ARHGEF11: variants seen among roughly 807,000 people sequenced by gnomAD.
ARHGEF11 encodes the protein Rho guanine exchange factor (GEF) 11.
Under a neutral mutation model 193.7 loss-of-function variants are expected in ARHGEF11, and 55 were observed. The ratio of observed to expected loss-of-function variants is 0.28; its 90% CI spans 0.23 to 0.36. The LOEUF (loss-of-function observed/expected upper bound fraction) is 0.36, where lower values mean the gene tolerates loss of function less well. Among genes scored for constraint, ARHGEF11 ranks in the 10% least tolerant of loss-of-function variants. The pLI, the probability that ARHGEF11 is intolerant of heterozygous loss-of-function variation, is 1.00. For missense variants in ARHGEF11, 1,723 were observed against 2,005.6 expected (o/e 0.86, Z 2.69); for synonymous variants, 693 against 768.0 (o/e 0.90, Z 1.62).
chr1:156,993,882 C>T (rs995955738), intron 1 of ARHGEF11, among the ~76,000 whole-genome samples: 12 of 152,196 alleles, frequency 7.9e-5, no homozygotes, highest in African/African-American at 2.2e-4. Context: ...CAAATGGTCT[C>T]TGGCAGTGCA....
At chr1:156,940,508 G>A in intron 35 of ARHGEF11, 83 bp from the exon 36 acceptor site, 1 of 1,292,012 alleles carries the variant, frequency 7.7e-7, no homozygotes, top group Non-Finnish European at 1.1e-6. Context: ...TTGGAGCCAA[G>A]GGGCTGGGAA....
At chr1:156,965,149 C>T (rs1217664506) in intron 11 of ARHGEF11, among the ~76,000 whole-genome samples, 1 of 152,152 alleles carries the variant, frequency 6.6e-6, no homozygotes, top group Non-Finnish European at 1.5e-5. Context: ...GCTCTTAACA[C>T]TTGAAAATAC....
intron 28 of ARHGEF11, 90 bp from the exon 29 acceptor site, chr1:156,946,252 C>T (rs1208080408): frequency 1.9e-6 from 2 of 1,029,280 alleles, no homozygotes; most frequent in East Asian, 2.4e-5. Context: ...GTGAACATGA[C>T]AAACAGGTCC....
At chr1:156,944,166 C>G in intron 31 of ARHGEF11, 64 bp from the exon 32 acceptor site, 1 of 1,565,090 alleles carries the variant, frequency 6.4e-7, no homozygotes, top group Non-Finnish European at 8.7e-7. Flanking sequence ...GAGCACAATG[C>G]AGGGCCACAG....
At position 156,935,913 on chromosome 1, in the gene ARHGEF11, G is replaced by A; in HGVS notation, c.*87C>T. 7.0e-7 allele frequency: 1 copy of A among 1,436,284 alleles called. No homozygotes were observed. The highest frequency in any genetic ancestry group is 9.5e-7 in the Non-Finnish European group (1 of 1,056,018). The allele number at this position is 1,436,284 out of a possible 1,614,324, so 89.0% of individuals were successfully genotyped here. A position where few individuals can be genotyped will look rare whatever the true frequency, so the allele number is the denominator to read the frequency against. On this transcript the variant is annotated 3_prime_UTR_variant, in exon 41 of 41. Coordinates refer to ENST00000368194, the MANE Select transcript of ARHGEF11 (RefSeq NM_198236.3). The stretch of plus-strand genomic sequence containing the variant: ...AACTGCCTCCTCCACAGGGAGGAGT[G>A]TTGGGATCCCCCCTACCCTGTGCCC...
chr1:157,004,528 T>G (rs1296993664), intron 1 of ARHGEF11, among the ~76,000 whole-genome samples: 1 of 152,134 alleles, frequency 6.6e-6, no homozygotes. Context: ...GACTCCATCT[T>G]TCTACTTCTC....
chr1:157,030,312 A>G (rs1207343443), intron 1 of ARHGEF11, among the ~76,000 whole-genome samples: 2 of 152,182 alleles, frequency 1.3e-5, no homozygotes, highest in Admixed American at 1.3e-4. Context: ...GTGCTGAGCC[A>G]CTTTTGAGGA....
chr1:156,949,345 T>A (rs1009411184), intron 22 of ARHGEF11, among the ~76,000 whole-genome samples: 2 of 152,142 alleles, frequency 1.3e-5, no homozygotes, highest in African/African-American at 4.8e-5. Context: ...CCCAGGATGG[T>A]CACCCCACCT....
At chr1:157,039,055 T>C (rs1276610931) in intron 1 of ARHGEF11, among the ~76,000 whole-genome samples, 1 of 152,160 alleles carries the variant, frequency 6.6e-6, no homozygotes, top group Non-Finnish European at 1.5e-5. Flanking sequence ...CCAAATCCTA[T>C]TCCAATTCTA....
intron 20 of ARHGEF11, 42 bp from the exon 21 acceptor site, chr1:156,954,963 GTCAA>G (rs748450218): frequency 3.5e-5 from 54 of 1,532,894 alleles, no homozygotes; most frequent in Middle Eastern, 1.8e-4. Context: ...ACCATGAAAA[GTCAA>G]TCAATGTTTT....
chr1:156,963,626 A>T, intron 11 of ARHGEF11, 32 bp from the exon 12 acceptor site: 1 of 1,606,548 alleles, frequency 6.2e-7, no homozygotes, highest in Non-Finnish European at 8.5e-7. Context: ...CAGAGATGAG[A>T]GGTTATAGAG....
chr1:156,992,943 C>T lies in ARHGEF11; in HGVS notation c.33-6770G>A, dbSNP rs139142275. 4.4e-3 allele frequency among the ~76,000 whole-genome samples: 674 copies of T among 152,306 alleles called. 6 individuals carry two copies. The highest frequency in any genetic ancestry group is 0.015 in the African/African-American group (643 of 41,544). On this transcript the variant is annotated intron_variant, in intron 1 of 40. Transcript: ENST00000368194. ...ATAACATCACGTCCTTTCCATCTGT[C>T]AATGGGAGGTTCCTGGTCTACTCAC... is the stretch of plus-strand genomic sequence containing the variant.
chr1:156,960,544 GC>G, intron 14 of ARHGEF11, 84 bp from the exon 15 acceptor site: 1 of 1,352,136 alleles, frequency 7.4e-7, no homozygotes, highest in Non-Finnish European at 1.0e-6. Context: ...GGAGGGCTTG[GC>G]CACATGAACT....
chr1:157,014,222 T>A (rs979804353), intron 1 of ARHGEF11, among the ~76,000 whole-genome samples: 3 of 152,168 alleles, frequency 2.0e-5, no homozygotes, highest in African/African-American at 4.8e-5. Context: ...TAAAAATAAC[T>A]GGAGCCTTTA....
rs747055298 is a variant in ARHGEF11, at chr1:156,948,858, A to G, written c.1926-360T>C. 7.1e-6 allele frequency: 7 copies of G among 985,266 alleles called. No homozygotes were observed. The highest frequency in any genetic ancestry group is 6.1e-5 in the Admixed American group (1 of 16,266). 61.0% of individuals were successfully genotyped at this position (985,266 alleles called of 1,614,324 possible). ...TTCTGTCAAGAAGGTGGTAGACATC[A>G]TCGTCCCTCAACAGGGAACACAAGG... On this transcript the variant is annotated intron_variant, in intron 22 of 40. Coordinates refer to ENST00000368194, the MANE Select transcript of ARHGEF11 (RefSeq NM_198236.3). This position sits in a 1 kb window ranked among gnomAD's most constrained non-coding sequence, Gnocchi z 4.2.
At chr1:156,942,621 T>A in intron 33 of ARHGEF11, 69 bp downstream of exon 33, 1 of 1,449,520 alleles carries the variant, frequency 6.9e-7, no homozygotes, top group Non-Finnish European at 9.6e-7. Flanking sequence ...TGCTACCCAC[T>A]GTCCTCATAA....
At chr1:156,961,631 T>C (rs756586376) in intron 14 of ARHGEF11, 46 bp downstream of exon 14, 75 of 1,567,668 alleles carry the variant, frequency 4.8e-5, no homozygotes, top group Non-Finnish European at 6.3e-5. Context: ...CTCTGAGTAG[T>C]TCAAAGAATA....
At chr1:157,006,364 G>A (rs939564922) in intron 1 of ARHGEF11, among the ~76,000 whole-genome samples, 1 of 152,150 alleles carries the variant, frequency 6.6e-6, no homozygotes, top group African/African-American at 2.4e-5. Context: ...AGAATCGGAG[G>A]GCCAGTTTAA....
At chr1:157,036,591 G>A (rs1672080262) in intron 1 of ARHGEF11, among the ~76,000 whole-genome samples, 1 of 152,006 alleles carries the variant, frequency 6.6e-6, no homozygotes. Context: ...CAAAGTGCTG[G>A]GATTACAGGC....
Sources: allele counts gnomAD v4.1 joint callset (sites outside exome capture counted in the v4.1 genomes callset), GRCh38; gene constraint gnomAD v4.1.1; non-coding constraint Gnocchi (gnomAD v3.1); transcripts MANE v1.5; gene names NCBI Gene and HGNC (gene_info 2026-07-23, HGNC 2026-07-21).